MVB12B: variants seen among roughly 807,000 people sequenced by gnomAD.
MVB12B encodes multivesicular body subunit 12B.
MVB12B carries 16 observed loss-of-function variants against 41.6 expected under a neutral mutation model. The observed-to-expected ratio is 0.38, with a 90% CI of 0.26 to 0.58. The LOEUF is 0.58. Ranked by LOEUF, MVB12B falls within the 20% of genes least tolerant of loss-of-function variation. The pLI is 0.62. For synonymous variants in MVB12B, 133 were observed against 139.7 expected (o/e 0.95, Z 0.34); for missense variants, 274 against 380.2 (o/e 0.72, Z 2.32).
intron 8 of MVB12B, 83 bp from the exon 9 acceptor site, chr9:126,483,890 T>C (rs1321541023): frequency 4.3e-6 from 6 of 1,392,384 alleles, no homozygotes; most frequent in Non-Finnish European, 6.1e-6. Flanking sequence ...TGGCTTGAGG[T>C]GTTACCATTG....
At chr9:126,415,208 A>T (rs13286659) in intron 6 of MVB12B, among the ~76,000 whole-genome samples, 1 of 152,062 alleles carries the variant, frequency 6.6e-6, no homozygotes, top group Admixed American at 6.6e-5. Flanking sequence ...GTCTCTCCTT[A>T]GACAATCCAA....
intron 2 of MVB12B, 95 bp from the exon 3 acceptor site, chr9:126,380,969 T>C: frequency 2.4e-6 from 2 of 841,600 alleles, no homozygotes; most frequent in East Asian, 2.5e-5. Flanking sequence ...CCCAAGCTGG[T>C]GTTAATTGGA....
chr9:126,452,108 C>CT (rs1389701780), intron 7 of MVB12B, among the ~76,000 whole-genome samples: 1 of 152,240 alleles, frequency 6.6e-6, no homozygotes, highest in Non-Finnish European at 1.5e-5. Flanking sequence ...GATGCACCTA[C>CT]TTTTTCCCTA....
rs200109520 is a variant in MVB12B, at chr9:126,395,688, A to G, written c.653A>G (p.Asn218Ser). The change falls in exon 6 of 10, where the codon AAC becomes AGC. Residue 218 changes from asparagine to serine, a missense_variant. By Grantham distance (46) the Asn-to-Ser change is conservative (BLOSUM62 1). Coordinates refer to ENST00000361171, the MANE Select transcript of MVB12B (RefSeq NM_033446.3). This position sits in a 1 kb window ranked among gnomAD's most constrained non-coding sequence, Gnocchi z 4.9. Reference sequence around the variant, plus strand: ...TCAGCTGCCTCCACCCCAGCCCCCAACCTTCCCAGGTGAGGCCTTGTCGGG... The same window carrying G: ...TCAGCTGCCTCCACCCCAGCCCCCAGCCTTCCCAGGTGAGGCCTTGTCGGG... ...QSSAASTPAPNLPRHISLTLP... is the reference protein window; with the variant it reads ...QSSAASTPAPSLPRHISLTLP... 58 of 1,613,832 alleles carry G rather than the reference A, an allele frequency of 3.6e-5. No individual in the cohort carries two copies. The highest frequency in any genetic ancestry group is 3.2e-4 in the Admixed American group (19 of 59,988).
chr9:126,498,245 G>A (rs1018527194), intron 9 of MVB12B, among the ~76,000 whole-genome samples: 1 of 152,160 alleles, frequency 6.6e-6, no homozygotes, highest in African/African-American at 2.4e-5. Context: ...GAGATGGAGG[G>A]GGATGACTGG....
chr9:126,457,676 G>A (rs993245663), intron 7 of MVB12B, among the ~76,000 whole-genome samples: 6 of 152,000 alleles, frequency 3.9e-5, no homozygotes, highest in African/African-American at 1.5e-4. Flanking sequence ...CATTTTCTCC[G>A]CATTTTGTCA....
At chr9:126,454,499 G>A (rs1028729724) in intron 7 of MVB12B, among the ~76,000 whole-genome samples, 7 of 152,310 alleles carry the variant, frequency 4.6e-5, no homozygotes, top group Admixed American at 1.3e-4. Flanking sequence ...CTCAGTAAGC[G>A]GGACACCCAG....
chr9:126,449,796 ATTT>A (rs1832857826), intron 7 of MVB12B, among the ~76,000 whole-genome samples: 1 of 152,178 alleles, frequency 6.6e-6, no homozygotes, highest in Non-Finnish European at 1.5e-5. Flanking sequence ...ATAATAATCA[ATTT>A]TTATTGAGCT....
At position 126,389,086 on chromosome 9, in the gene MVB12B, C is replaced by G. The variant is rs1235619009; in HGVS notation, c.409+2428C>G. ...CCCAGCTGCTGTGGGGCCCAGGGGT[C>G]CTGGTTGGGAAGTTTCTCCCTTGTG... On this transcript the variant is annotated intron_variant, in intron 4 of 9. Transcript: ENST00000361171. The surrounding 1 kb of genome is among the most constrained non-coding windows in gnomAD (Gnocchi z 4.4). Among the ~76,000 whole-genome samples, 4 of 152,176 alleles carry G rather than the reference C, an allele frequency of 2.6e-5. No individual in the cohort carries two copies. Among genetic ancestry groups the G allele is most frequent in the Non-Finnish European group, 5.9e-5 (4 of 68,050 alleles).
At chr9:126,466,562 C>T (rs889928295) in intron 7 of MVB12B, among the ~76,000 whole-genome samples, 1 of 152,114 alleles carries the variant, frequency 6.6e-6, no homozygotes, top group Non-Finnish European at 1.5e-5. Context: ...GGATTTGCCA[C>T]CATTTTTGCC....
chr9:126,397,762 T>TA, intron 6 of MVB12B: 2 of 372,168 alleles, frequency 5.4e-6, no homozygotes, highest in Non-Finnish European at 7.4e-6. Context: ...TGATTTATTT[T>TA]AAAATGAAAT....
intron 7 of MVB12B, among the ~76,000 whole-genome samples, chr9:126,456,018 G>A (rs1832976253): frequency 6.7e-6 from 1 of 149,268 alleles, no homozygotes; most frequent in African/African-American, 2.5e-5. Context: ...AGCCTCCCAA[G>A]TAGCTGGGAT....
In MVB12B at chr9:126,365,220, A is replaced by ATTTTT. The variant is rs71377933; in HGVS notation, c.205-15830_205-15826dup. On this transcript the variant is annotated intron_variant, in intron 2 of 9. Transcript: ENST00000361171. ...AGGTGCCTGCCACCACACCCAGCTA[A>ATTTTT]TTTTTTTTTTTTTTTTTTGTATTTT... Among the ~76,000 whole-genome samples, 384 of 122,606 alleles carry ATTTTT rather than the reference A, an allele frequency of 3.1e-3. 8 individuals are homozygous for ATTTTT. Among genetic ancestry groups the ATTTTT allele is most frequent in the African/African-American group, 0.012 (366 of 31,444 alleles). 80.4% of individuals were successfully genotyped at this position (122,606 alleles called of 152,430 possible). A position where few individuals can be genotyped will look rare whatever the true frequency, so the allele number is the denominator to read the frequency against.
intron 6 of MVB12B, among the ~76,000 whole-genome samples, chr9:126,410,139 TTTTGTGTG>T (rs1191718684): frequency 1.9e-4 from 16 of 84,142 alleles, no homozygotes; most frequent in African/African-American, 5.6e-4. Context: ...AGTGATTTGG[TTTTGTGTG>T]TGTGTGTGTG....
At chr9:126,500,502 T>G (rs1287238871) in intron 9 of MVB12B, among the ~76,000 whole-genome samples, 2 of 152,126 alleles carry the variant, frequency 1.3e-5, no homozygotes, top group Non-Finnish European at 2.9e-5. Flanking sequence ...GGTCGTAGAA[T>G]TCTCTAAACT....
At chr9:126,384,571 C>G (rs1830719303) in intron 3 of MVB12B, among the ~76,000 whole-genome samples, 1 of 152,172 alleles carries the variant, frequency 6.6e-6, no homozygotes, top group South Asian at 2.1e-4. Context: ...CTCTGTCGCC[C>G]AGGCTGGAGT....
At chr9:126,434,929 G>A (rs1275187660) in intron 7 of MVB12B, among the ~76,000 whole-genome samples, 1 of 152,182 alleles carries the variant, frequency 6.6e-6, no homozygotes, top group African/African-American at 2.4e-5. Context: ...CCAATGCCCA[G>A]CCCAGGGCCT....
At chr9:126,388,664 C>T (rs888005780) in intron 4 of MVB12B, among the ~76,000 whole-genome samples, 3 of 152,184 alleles carry the variant, frequency 2.0e-5, no homozygotes, top group Non-Finnish European at 4.4e-5. Context: ...TCCTTAGATT[C>T]CAATTCCTCC....
intron 1 of MVB12B, chr9:126,327,406 C>T: frequency 2.3e-6 from 2 of 875,638 alleles, no homozygotes; most frequent in Non-Finnish European, 2.7e-6. Context: ...GTCCTGCTCT[C>T]TCTGGTCACG....
Sources: allele counts gnomAD v4.1 joint callset (sites outside exome capture counted in the v4.1 genomes callset), GRCh38; gene constraint gnomAD v4.1.1; non-coding constraint Gnocchi (gnomAD v3.1); transcripts MANE v1.5; gene names NCBI Gene and HGNC (gene_info 2026-07-23, HGNC 2026-07-21).